Variants in EI24 observed in about 807,000 individuals in gnomAD.
EI24 encodes the protein EI24 autophagy associated transmembrane protein, also known as etoposide-induced protein 2.4 homolog.
In EI24, 21 loss-of-function variants were observed where a neutral mutation model predicts 48.6. The ratio of observed to expected loss-of-function variants is 0.43; its 90% CI spans 0.31 to 0.62. The LOEUF is 0.62. Ranked by LOEUF, EI24 falls within the 20% of genes least tolerant of loss-of-function variation. EI24 has a pLI of 0.10. For missense variants in EI24, 280 were observed against 410.5 expected (o/e 0.68, Z 2.75); for synonymous variants, 114 against 145.5 (o/e 0.78, Z 1.56).
At chr11:125,575,799 T>TG (rs397826133) in intron 3 of EI24, 18 of 314,326 alleles carry the variant, frequency 5.7e-5, no homozygotes, top group South Asian at 4.5e-4. Flanking sequence ...TTTTTTTTTT[T>TG]GAGACGGATT....
rs1555055547 is a variant in EI24, at chr11:125,584,259, A to AAAAAAAT, written c.*579_*580insAAATAAA. ...AAAAAAAAAAAAAAAAAAAAAAAAA[A>AAAAAAAT]AAAGCCTGAAGAGATGAGATAGGAG... On this transcript the variant is annotated 3_prime_UTR_variant, in exon 11 of 11. Coordinates refer to ENST00000278903, the MANE Select transcript of EI24 (RefSeq NM_004879.5). The AAAAAAAT allele has an allele frequency of 4.4e-5, 6 of 135,698 alleles. No homozygotes were observed. The highest frequency in any genetic ancestry group is 4.8e-5 in the Non-Finnish European group (3 of 62,018). The allele number at this position is 135,698 out of a possible 1,614,324, so 8.4% of individuals were successfully genotyped here.
rs1048576282 is a variant in EI24 at position 125,584,436 on chromosome 11, A to G, written c.*753A>G. 2 of 152,606 alleles carry G rather than the reference A, an allele frequency of 1.3e-5. No homozygotes were observed. Among genetic ancestry groups the G allele is most frequent in the African/African-American group, 2.4e-5 (1 of 41,428 alleles). The allele number at this position is 152,606 out of a possible 1,614,324, so 9.5% of individuals were successfully genotyped here. On this transcript the variant is annotated 3_prime_UTR_variant, in exon 11 of 11. Coordinates refer to ENST00000278903, the MANE Select transcript of EI24 (RefSeq NM_004879.5). ...ACAAGTGCCACTACAACAACACTAA[A>G]CCTGAACTTTTCAACTCCGTTGGTG...
intron 1 of EI24, among the ~76,000 whole-genome samples, chr11:125,571,722 C>T (rs1938540271): frequency 6.6e-6 from 1 of 151,866 alleles, no homozygotes; most frequent in Non-Finnish European, 1.5e-5. Flanking sequence ...ACTAAAAATA[C>T]ACAAAATTAG....
rs1190498235 is a variant in EI24 at position 125,580,032 on chromosome 11, A to G, written c.562-61A>G. 5 of 1,285,442 alleles carry G rather than the reference A, an allele frequency of 3.9e-6. No individual in the cohort carries two copies. In the Admixed American group the frequency reaches 6.7e-5, roughly 17 times the overall value. 79.6% of individuals were successfully genotyped at this position (1,285,442 alleles called of 1,614,324 possible). ...TCTCAGACAGTGATTGGAGAGTGAC[A>G]GGTGAATGGTGCTAGGTTTCCGAGG... On this transcript the variant is annotated intron_variant, in intron 7 of 10. Coordinates refer to ENST00000278903, the MANE Select transcript of EI24 (RefSeq NM_004879.5).
chr11:125,582,155 G>A (rs917612744), intron 9 of EI24, among the ~76,000 whole-genome samples, 191 bp from the exon 10 acceptor site: 1 of 151,674 alleles, frequency 6.6e-6, no homozygotes, highest in Admixed American at 6.6e-5. Flanking sequence ...TTGAGATCTT[G>A]CCACTGTACT....
intron 7 of EI24, among the ~76,000 whole-genome samples, 183 bp from the exon 8 acceptor site, chr11:125,579,910 C>T (rs1938922596): frequency 6.6e-6 from 1 of 152,050 alleles, no homozygotes; most frequent in Non-Finnish European, 1.5e-5. Context: ...GAGATCCTCC[C>T]GCCTCATCCT....
chr11:125,581,104 T>A (rs941245796), intron 8 of EI24, 107 bp from the exon 9 acceptor site: 12 of 278,132 alleles, frequency 4.3e-5, no homozygotes, highest in Non-Finnish European at 7.5e-5. Flanking sequence ...ATAATAATAA[T>A]AATAATAAAA....
rs141976884 is a variant in EI24, at chr11:125,573,535, G to T, written c.42+966G>T. The T allele has an allele frequency of 5.2e-4, 198 of 382,346 alleles. No homozygotes were observed. The East Asian group carries it at 6.4e-3, about 12-fold the overall frequency. The allele number at this position is 382,346 out of a possible 1,614,324, so 23.7% of individuals were successfully genotyped here. A position where few individuals can be genotyped will look rare whatever the true frequency, so the allele number is the denominator to read the frequency against. ...AAGGAGGCAGGATTGCTTGAGTCTG[G>T]GAGTATGAAGCAGTAGTGAACTATG... is the stretch of plus-strand genomic sequence containing the variant. On this transcript the variant is annotated intron_variant, in intron 2 of 10. Coordinates refer to ENST00000278903, the MANE Select transcript of EI24 (RefSeq NM_004879.5).
intron 8 of EI24, 127 bp downstream of exon 8, chr11:125,580,331 G>T: frequency 1.4e-6 from 1 of 720,986 alleles, no homozygotes; most frequent in South Asian, 1.7e-5. Flanking sequence ...CAGCCTCATT[G>T]GCAAGAGGGA....
At chr11:125,575,885 T>C (rs1938729541) in intron 3 of EI24, 1 of 406,346 alleles carries the variant, frequency 2.5e-6, no homozygotes, top group Non-Finnish European at 5.0e-6. Context: ...GCCTCCCAGG[T>C]CCAAGCAATT....
At position 125,582,409 on chromosome 11, in the gene EI24, T is replaced by A; in HGVS notation, c.849T>A (p.Pro283=). 1 of 1,603,150 alleles carries A rather than the reference T, an allele frequency of 6.2e-7. No homozygotes were observed. Among genetic ancestry groups the A allele is most frequent in the South Asian group, 1.1e-5 (1 of 89,198 alleles). Reference sequence around the variant, plus strand: ...TCAGCGCCAATGAAGCAAAGACCCCTGGCAAAGCATAGTAAGTATTAGCCA... The same window carrying A: ...TCAGCGCCAATGAAGCAAAGACCCCAGGCAAAGCATAGTAAGTATTAGCCA... ...FIISANEAKT[P]GKAYLFQLRL... is the part of the protein sequence containing the mutation. The change falls in exon 10 of 11, where the codon CCT becomes CCA. Residue 283 remains proline (P), a synonymous_variant. Coordinates refer to ENST00000278903, the MANE Select transcript of EI24 (RefSeq NM_004879.5).
chr11:125,579,996 C>G, intron 7 of EI24, 97 bp from the exon 8 acceptor site: 1 of 974,636 alleles, frequency 1.0e-6, no homozygotes, highest in South Asian at 1.4e-5. Flanking sequence ...TGAGAAGCAG[C>G]TAGGAAGCTA....
chr11:125,569,906 G>A (rs1437445180), intron 1 of EI24: 1 of 171,136 alleles, frequency 5.8e-6, no homozygotes, highest in African/African-American at 2.4e-5. Context: ...GGGCCTGAAT[G>A]GACCCGTGGA....
intron 9 of EI24, 58 bp downstream of exon 9, chr11:125,581,380 G>A (rs1938985918): frequency 8.5e-7 from 1 of 1,173,504 alleles, no homozygotes; most frequent in Non-Finnish European, 1.2e-6. Context: ...CATGAAGTCA[G>A]TGCCTTTTGT....
chr11:125,575,344 C>T lies in EI24; in HGVS notation c.124C>T (p.Arg42Ter), dbSNP rs1938695471. ...RIQQKREEQR[R>*]RRASSVLAQR... is the part of the protein sequence containing the mutation. ...CCAGCAAAAGAGAGAGGAGCAGCGT[C>T]GAAGAAGGGCAAGTAGTGTCTTGGC... is the stretch of plus-strand genomic sequence containing the variant. The change falls in exon 3 of 11, where the codon CGA (arginine) becomes TGA (stop). Residue 42 changes from arginine (R) to a stop codon, truncating the protein, a stop_gained. Transcript: ENST00000278903. LOFTEE classifies it high-confidence loss of function. The T allele has an allele frequency of 1.3e-6, 2 of 1,582,320 alleles. No homozygotes were observed. Among genetic ancestry groups the T allele is most frequent in the Non-Finnish European group, 1.7e-6 (2 of 1,164,410 alleles).
At chr11:125,573,555 A>T in intron 2 of EI24, 1 of 352,286 alleles carries the variant, frequency 2.8e-6, no homozygotes, top group Non-Finnish European at 5.9e-6. Context: ...GCAGTAGTGA[A>T]CTATGATGGT....
chr11:125,580,341 A>G (rs1176779004), intron 8 of EI24, 137 bp downstream of exon 8: 11 of 696,490 alleles, frequency 1.6e-5, no homozygotes, highest in Non-Finnish European at 2.5e-5. Context: ...GGCAAGAGGG[A>G]GCTTACCTTC....
intron 9 of EI24, 75 bp downstream of exon 9, chr11:125,581,397 C>A: frequency 1.1e-6 from 1 of 883,830 alleles, no homozygotes; most frequent in Non-Finnish European, 1.8e-6. Context: ...TTGTTTGCTT[C>A]GTTCTGTTTC....
Position 125,583,871 on chromosome 11 carries a change from A to G in EI24, c.*188A>G. The G allele has an allele frequency of 2.9e-6, 2 of 689,718 alleles. No individual in the cohort carries two copies. Among genetic ancestry groups the G allele is most frequent in the Non-Finnish European group, 4.8e-6 (2 of 420,386 alleles). 42.7% of individuals were successfully genotyped at this position (689,718 alleles called of 1,614,324 possible). On this transcript the variant is annotated 3_prime_UTR_variant, in exon 11 of 11. Coordinates refer to ENST00000278903, the MANE Select transcript of EI24 (RefSeq NM_004879.5). ...GTAAGGCAGAATGTTCCCTGACACC[A>G]GTGTGTGGATTTTTAACATCACCGT...
Sources: gnomAD v4.1 joint callset for allele counts (sites outside exome capture counted in the v4.1 genomes callset) on GRCh38, gnomAD v4.1.1 for gene constraint, MANE v1.5 for transcripts, NCBI Gene and HGNC (gene_info 2026-07-23, HGNC 2026-07-21) for gene names.